The following PCOLCE variants were observed in gnomAD, a reference collection of about 807,000 sequenced individuals.
The protein encoded by PCOLCE is procollagen C-endopeptidase enhancer 1.
Under a neutral mutation model 47.2 loss-of-function variants are expected in PCOLCE, and 33 were observed. The ratio of observed to expected loss-of-function variants is 0.70; its 90% CI spans 0.53 to 0.93. The LOEUF (loss-of-function observed/expected upper bound fraction) is 0.93. PCOLCE is among the 40% of genes least tolerant of loss of function. The pLI, the probability that PCOLCE is intolerant of heterozygous loss-of-function variation, is 0.00. For missense variants in PCOLCE, 584 were observed against 585.3 expected, an observed-to-expected ratio of 1.00 and a Z score of 0.02; for synonymous variants, 254 against 252.5, an observed-to-expected ratio of 1.01 and a Z score of -0.06.
At position 100,605,378 on chromosome 7, in the gene PCOLCE, TA is replaced by T. The variant is rs1802695851; in HGVS notation, c.588+168del. On this transcript the variant is annotated intron_variant, in intron 4 of 8. Coordinates refer to ENST00000223061, the MANE Select transcript of PCOLCE (RefSeq NM_002593.4). The surrounding 1 kb of genome is among the most constrained non-coding windows in gnomAD (Gnocchi z 6.1). ...CCCTGCATGCACGCAAACAAAAATGTAAAAATTACAACTGAGACAAGTCTCA... is the reference window on the plus strand; with the variant it reads ...CCCTGCATGCACGCAAACAAAAATGTAAAATTACAACTGAGACAAGTCTCA... 1.4e-6 allele frequency: 1 copy of T among 737,046 alleles called. No homozygotes were observed. The highest frequency in any genetic ancestry group is 2.2e-6 in the Non-Finnish European group (1 of 456,712). The allele number at this position is 737,046 out of a possible 1,614,324, so 45.7% of individuals were successfully genotyped here.
chr7:100,604,591 A>G lies in PCOLCE; in HGVS notation c.463+374A>G, dbSNP rs1177303419. 2.7e-6 allele frequency: 1 copy of G among 371,070 alleles called. No individual in the cohort carries two copies. The highest frequency in any genetic ancestry group is 5.1e-6 in the Non-Finnish European group (1 of 196,698). 23.0% of individuals were successfully genotyped at this position (371,070 alleles called of 1,614,324 possible). ...AGGGCTGGGGGGACTAGGTTCCTCCAACCCCGGGGGGCCCCTACACCCAGC... is the reference window on the plus strand; with the variant it reads ...AGGGCTGGGGGGACTAGGTTCCTCCGACCCCGGGGGGCCCCTACACCCAGC... On this transcript the variant is annotated intron_variant, in intron 3 of 8. Transcript: ENST00000223061. The surrounding 1 kb of genome is among the most constrained non-coding windows in gnomAD (Gnocchi z 6.4).
In PCOLCE at chr7:100,605,456, G is replaced by A. The variant is rs1802696956; in HGVS notation, c.589-220G>A. 1 of 659,734 alleles carries A rather than the reference G, an allele frequency of 1.5e-6. No homozygotes were observed. The highest frequency in any genetic ancestry group is 2.6e-6 in the Non-Finnish European group (1 of 391,046). The allele number at this position is 659,734 out of a possible 1,614,324, so 40.9% of individuals were successfully genotyped here. On this transcript the variant is annotated intron_variant, in intron 4 of 8. Coordinates refer to ENST00000223061, the MANE Select transcript of PCOLCE (RefSeq NM_002593.4). This position sits in a 1 kb window ranked among gnomAD's most constrained non-coding sequence, Gnocchi z 6.1. ...TAACACGCGGGCCTGTCACTTGTGAGTGCGCCAGGACTTGACCTTGCCAAC... is the reference window on the plus strand; with the variant it reads ...TAACACGCGGGCCTGTCACTTGTGAATGCGCCAGGACTTGACCTTGCCAAC...
Position 100,604,241 on chromosome 7 carries a change from TTCCCCCCC to T in PCOLCE, c.463+28_463+35del. ...TGGTGAGAACTCCCTCACCTCCGCC[TTCCCCCCC>T]TCCAGGCCCCGCCCCGGCCGCAGCC... On this transcript the variant is annotated intron_variant, in intron 3 of 8. Coordinates refer to ENST00000223061, the MANE Select transcript of PCOLCE (RefSeq NM_002593.4). This position sits in a 1 kb window ranked among gnomAD's most constrained non-coding sequence, Gnocchi z 6.4. 1 of 1,594,992 alleles carries T rather than the reference TTCCCCCCC, an allele frequency of 6.3e-7. No individual in the cohort carries two copies. Among genetic ancestry groups the T allele is most frequent in the South Asian group, 1.1e-5 (1 of 90,648 alleles).
At position 100,605,921 on chromosome 7, in the gene PCOLCE, C is replaced by G. The variant is rs534818107; in HGVS notation, c.725+109C>G. On this transcript the variant is annotated intron_variant, in intron 5 of 8. Transcript: ENST00000223061. This position sits in a 1 kb window ranked among gnomAD's most constrained non-coding sequence, Gnocchi z 6.1. ...AAGGGACGGGATCTGAACCCCAGGG[C>G]TCCAAACCGGCGAGGGGAGCAGGTT... The G allele has an allele frequency of 7.1e-6, 9 of 1,269,604 alleles. No individual in the cohort carries two copies. Among genetic ancestry groups the G allele is most frequent in the East Asian group, 5.1e-5 (2 of 38,844 alleles). 78.6% of individuals were successfully genotyped at this position (1,269,604 alleles called of 1,614,324 possible).
intron 1 of PCOLCE, chr7:100,602,853 T>A: frequency 2.3e-6 from 1 of 440,040 alleles, no homozygotes; most frequent in Non-Finnish European, 4.0e-6. Context: ...ACTTGCCTGG[T>A]AGCTGGATTC....
chr7:100,606,080 G>C, intron 5 of PCOLCE: 1 of 549,290 alleles, frequency 1.8e-6, no homozygotes, highest in Non-Finnish European at 3.2e-6. Context: ...TGTAATCATA[G>C]CACTTTGGGA....
chr7:100,606,387 T>C (rs1256224468), intron 5 of PCOLCE, 29 bp from the exon 6 acceptor site: 1 of 1,566,062 alleles, frequency 6.4e-7, no homozygotes, highest in Non-Finnish European at 8.8e-7. Flanking sequence ...GCCCTGACAC[T>C]TCCCCCAATG....
chr7:100,603,345 A>C, intron 1 of PCOLCE, 85 bp from the exon 2 acceptor site: 1 of 694,034 alleles, frequency 1.4e-6, no homozygotes. Flanking sequence ...TTGGAGTTTC[A>C]TCCTCATCAC....
rs559618495 is a variant in PCOLCE, at chr7:100,607,090, C to CAAAAAAAAAAAAAAAAAAA, written c.941-346_941-345insAAAAAAAAAAAAAAAAAAA. Among the ~76,000 whole-genome samples, 101 of 105,180 alleles carry CAAAAAAAAAAAAAAAAAAA rather than the reference C, an allele frequency of 9.6e-4. 2 individuals are homozygous for CAAAAAAAAAAAAAAAAAAA. Among genetic ancestry groups the CAAAAAAAAAAAAAAAAAAA allele is most frequent in the African/African-American group, 3.4e-3 (90 of 26,190 alleles). The allele number at this position is 105,180 out of a possible 152,430, so 69.0% of individuals were successfully genotyped here. ...TGGGTTACAGAGTGAGATTCTGTCT[C>CAAAAAAAAAAAAAAAAAAA]AAAAAAAAAAAAAAAACTTAGCCAG... On this transcript the variant is annotated intron_variant, in intron 6 of 8. Transcript: ENST00000223061.
chr7:100,602,955 A>G (rs1343033159), intron 1 of PCOLCE: 4 of 280,134 alleles, frequency 1.4e-5, no homozygotes, highest in Non-Finnish European at 6.7e-6. Context: ...GAACAGGGGC[A>G]GGGCTAAGGT....
At chr7:100,603,736 T>A in intron 2 of PCOLCE, 198 bp downstream of exon 2, 1 of 611,076 alleles carries the variant, frequency 1.6e-6, no homozygotes. Context: ...ATCTTCATTC[T>A]CCAGTCCCCG....
chr7:100,607,467 C>T lies in PCOLCE; in HGVS notation c.956C>T (p.Pro319Leu), dbSNP rs781622856. Residue 319 changes from proline (P) to leucine (L), a missense_variant, in exon 7 of 9, where the codon CCA (proline) becomes CTA (leucine). By Grantham distance (98) the Pro-to-Leu change is moderately conservative. Transcript: ENST00000223061. ...TCCCTCCTAGATGCACCCACCTGCC[C>T]AAAGCAGTGCCGCCGGACAGGCACC... The part of the protein sequence containing the change: ...SPSAPDAPTC[P>L]KQCRRTGTLQ... 1.2e-6 allele frequency: 2 copies of T among 1,614,098 alleles called. No homozygotes were observed. Among genetic ancestry groups the T allele is most frequent in the East Asian group, 4.5e-5 (2 of 44,872 alleles).
Position 100,607,667 on chromosome 7 carries a change from G to C in PCOLCE, c.1043G>C (p.Arg348Pro), listed in dbSNP as rs771099809. The stretch of plus-strand genomic sequence containing the variant: ...ACTGCGACAGTGAAGTCCATGGTTC[G>C]GGAGCCAGGGGAGGGCCTTGCCGTG... ...VVTATVKSMV[R>P]EPGEGLAVTV... Residue 348 changes from arginine (R) to proline (P), a missense_variant, in exon 8 of 9, where the codon CGG becomes CCG. Transcript: ENST00000223061. 5.0e-6 allele frequency: 8 copies of C among 1,614,070 alleles called. No individual in the cohort carries two copies. The South Asian group carries it at 6.6e-5, about 13-fold the overall frequency.
chr7:100,605,900 G>C lies in PCOLCE; in HGVS notation c.725+88G>C. ...TGGAGGGGCGGGGTTCAGCTAAAGG[G>C]ACGGGATCTGAACCCCAGGGCTCCA... On this transcript the variant is annotated intron_variant, in intron 5 of 8. Coordinates refer to ENST00000223061, the MANE Select transcript of PCOLCE (RefSeq NM_002593.4). This position sits in a 1 kb window ranked among gnomAD's most constrained non-coding sequence, Gnocchi z 6.1. The C allele has an allele frequency of 3.6e-6, 5 of 1,396,802 alleles. No homozygotes were observed. The South Asian group carries it at 4.0e-5, about 11-fold the overall frequency. 86.5% of individuals were successfully genotyped at this position (1,396,802 alleles called of 1,614,324 possible).
chr7:100,604,301 G>A lies in PCOLCE; in HGVS notation c.463+84G>A. 1 of 1,129,900 alleles carries A rather than the reference G, an allele frequency of 8.9e-7. No homozygotes were observed. The highest frequency in any genetic ancestry group is 1.2e-6 in the Non-Finnish European group (1 of 864,896). 70.0% of individuals were successfully genotyped at this position (1,129,900 alleles called of 1,614,324 possible). On this transcript the variant is annotated intron_variant, in intron 3 of 8. Coordinates refer to ENST00000223061, the MANE Select transcript of PCOLCE (RefSeq NM_002593.4). The surrounding 1 kb of genome is among the most constrained non-coding windows in gnomAD (Gnocchi z 6.4). The stretch of plus-strand genomic sequence containing the variant: ...CGCCCCCAGCCCTAACCTCCGCCCC[G>A]CCCACCCCGCGCCCCAGTGCCTAGG...
rs113723518 is a variant in PCOLCE, at chr7:100,605,299, T to C, written c.588+84T>C. 7.1e-7 allele frequency: 1 copy of C among 1,407,888 alleles called. No individual in the cohort carries two copies. Among genetic ancestry groups the C allele is most frequent in the Non-Finnish European group, 9.7e-7 (1 of 1,027,676 alleles). The allele number at this position is 1,407,888 out of a possible 1,614,324, so 87.2% of individuals were successfully genotyped here. On this transcript the variant is annotated intron_variant, in intron 4 of 8. Transcript: ENST00000223061. The surrounding 1 kb of genome is among the most constrained non-coding windows in gnomAD (Gnocchi z 6.1). ...AGCCAGCAGAGATTTATTGAAGATC[T>C]GCTGTGTCCCGAGCACTGCGCTTGC...
rs1462312382 is a variant in PCOLCE, at chr7:100,604,496, T to C, written c.463+279T>C. ...GGTGGAATGGGCGGCCTGGGGTTAC[T>C]GGGACGGTGAGTAACTGCCGGCCCC... is the stretch of plus-strand genomic sequence containing the variant. On this transcript the variant is annotated intron_variant, in intron 3 of 8. Transcript: ENST00000223061. This position sits in a 1 kb window ranked among gnomAD's most constrained non-coding sequence, Gnocchi z 6.4. The C allele has an allele frequency of 3.7e-6, 2 of 545,118 alleles. No individual in the cohort carries two copies. The highest frequency in any genetic ancestry group is 3.3e-6 in the Non-Finnish European group (1 of 303,478). The allele number at this position is 545,118 out of a possible 1,614,324, so 33.8% of individuals were successfully genotyped here.
At chr7:100,607,089 T>TAAAAAAAAAAA (rs1802729033) in intron 6 of PCOLCE, among the ~76,000 whole-genome samples, 1 of 84,450 alleles carries the variant, frequency 1.2e-5, no homozygotes. Context: ...AGATTCTGTC[T>TAAAAAAAAAAA]CAAAAAAAAA....
rs1802692734 is a variant in PCOLCE at position 100,605,216 on chromosome 7, G to A, written c.588+1G>A. The A allele has an allele frequency of 6.2e-7, 1 of 1,610,516 alleles. No individual in the cohort carries two copies. Among genetic ancestry groups the A allele is most frequent in the South Asian group, 1.1e-5 (1 of 90,926 alleles). On this transcript the variant is annotated splice_donor_variant, in intron 4 of 8. Coordinates refer to ENST00000223061, the MANE Select transcript of PCOLCE (RefSeq NM_002593.4). LOFTEE classifies it high-confidence loss of function. This position sits in a 1 kb window ranked among gnomAD's most constrained non-coding sequence, Gnocchi z 6.1. ...GCACATCATCGCGCCCCCGGACCAG[G>A]TACCGACCCTCCTCCCCGGGCTGCC...
Sources: gnomAD v4.1 joint callset for allele counts (sites outside exome capture counted in the v4.1 genomes callset) on GRCh38, gnomAD v4.1.1 for gene constraint, Gnocchi (gnomAD v3.1) non-coding constraint, MANE v1.5 for transcripts, NCBI Gene and HGNC (gene_info 2026-07-23, HGNC 2026-07-21) for gene names.